Variants in AFAP1 observed in about 807,000 individuals in gnomAD.
AFAP1 encodes actin filament associated protein 1.
A neutral mutation model predicts 93.9 loss-of-function variants in AFAP1; 75 were observed. That is an observed-to-expected ratio of 0.80 (90% CI 0.66 to 0.97). The LOEUF is 0.97. AFAP1 is among the 50% of genes least tolerant of loss of function. The probability of loss-of-function intolerance (pLI) is 0.00; values close to 1 mark genes in which losing one functional copy is unlikely to be tolerated. For synonymous variants in AFAP1, 517 were observed against 430.7 expected (o/e 1.20, Z -2.48); for missense variants, 1,201 against 1,050.8 (o/e 1.14, Z -1.98).
chr4:7,871,680 G>GT (rs2149183283), intron 2 of AFAP1, among the ~76,000 whole-genome samples: 1 of 152,264 alleles, frequency 6.6e-6, no homozygotes, highest in African/African-American at 2.4e-5. Context: ...GCCAAGTCCC[G>GT]TGAGTCCTTC....
intron 1 of AFAP1, among the ~76,000 whole-genome samples, chr4:7,933,274 C>G (rs760766285): frequency 4.6e-5 from 7 of 151,874 alleles, no homozygotes; most frequent in Non-Finnish European, 8.8e-5. Flanking sequence ...ATCCCATGAG[C>G]CTTTAAGAGC....
At chr4:7,867,185 A>G (rs1281456853) in intron 3 of AFAP1, among the ~76,000 whole-genome samples, 1 of 151,620 alleles carries the variant, frequency 6.6e-6, no homozygotes, top group Non-Finnish European at 1.5e-5. Flanking sequence ...GCCCCCATCC[A>G]CACCTAGTGA....
chr4:7,864,630 C>T (rs989234141), intron 3 of AFAP1, among the ~76,000 whole-genome samples: 2 of 152,184 alleles, frequency 1.3e-5, no homozygotes, highest in African/African-American at 4.8e-5. Context: ...CAACAGGCTC[C>T]TCCCTGGGGT....
At position 7,934,161 on chromosome 4, in the gene AFAP1, G is replaced by A. The variant is rs528972155; in HGVS notation, c.-3+5495C>T. On this transcript the variant is annotated intron_variant, in intron 1 of 17. Transcript: ENST00000420658. ...TGGCCCAGAACACCTACAAATTTTA[G>A]GTTTCAGGTAAGTGATTGCCTTTCC... 7.9e-5 allele frequency among the ~76,000 whole-genome samples: 12 copies of A among 152,270 alleles called. No homozygotes were observed. In the South Asian group the frequency reaches 2.5e-3, roughly 32 times the overall value.
intron 4 of AFAP1, among the ~76,000 whole-genome samples, chr4:7,846,056 C>T (rs919409465): frequency 1.3e-5 from 2 of 152,180 alleles, no homozygotes; most frequent in South Asian, 2.1e-4. Flanking sequence ...GAAGGAGAAA[C>T]GCGATGAGCG....
In AFAP1 at chr4:7,800,553, G is replaced by A; in HGVS notation, c.1155C>T (p.Thr385=). 1 of 1,614,080 alleles carries A rather than the reference G, an allele frequency of 6.2e-7. No homozygotes were observed. The highest frequency in any genetic ancestry group is 1.1e-5 in the South Asian group (1 of 91,072). ...CACGGAGCGGAATAGACACAATATGGGTCTTCAGGTCGGTCCTGTCCTTGT... is the reference window on the plus strand; with the variant it reads ...CACGGAGCGGAATAGACACAATATGAGTCTTCAGGTCGGTCCTGTCCTTGT... ...IFHKDRTDLK[T]HIVSIPLRGC... The change falls in exon 10 of 18, where the codon ACC becomes ACT. Residue 385 remains threonine, a synonymous_variant. Coordinates refer to ENST00000420658, the MANE Select transcript of AFAP1 (RefSeq NM_001134647.2).
intron 1 of AFAP1, among the ~76,000 whole-genome samples, chr4:7,897,509 G>GT (rs1014958235): frequency 1.9e-4 from 28 of 146,220 alleles, no homozygotes; most frequent in Middle Eastern, 3.5e-3. Context: ...CCCAGCGCTT[G>GT]TTTTTTTTGT....
intron 11 of AFAP1, among the ~76,000 whole-genome samples, chr4:7,793,180 A>G (rs1480919103): frequency 1.3e-5 from 2 of 151,770 alleles, no homozygotes; most frequent in African/African-American, 4.8e-5. Context: ...TTTTAAAAAA[A>G]TCACAATTTA....
intron 1 of AFAP1, among the ~76,000 whole-genome samples, chr4:7,910,657 C>T (rs923041182): frequency 3.3e-5 from 5 of 152,238 alleles, no homozygotes; most frequent in African/African-American, 9.6e-5. Context: ...CCCGTTCACC[C>T]GTGCCACGAG....
At chr4:7,872,967 G>A (rs1577324133) in intron 1 of AFAP1, among the ~76,000 whole-genome samples, 2 of 137,742 alleles carry the variant, frequency 1.5e-5, no homozygotes, top group East Asian at 2.1e-4. Context: ...AAAACTACTT[G>A]GGCTGGGCGC....
rs751884345 is a variant in AFAP1 at position 7,843,358 on chromosome 4, A to C, written c.335-8T>G. 2 of 1,606,954 alleles carry C rather than the reference A, an allele frequency of 1.2e-6. No individual in the cohort carries two copies. Among genetic ancestry groups the C allele is most frequent in the Non-Finnish European group, 1.7e-6 (2 of 1,176,022 alleles). On this transcript the variant is annotated splice_polypyrimidine_tract_variant and splice_region_variant and intron_variant, in intron 4 of 17. Coordinates refer to ENST00000420658, the MANE Select transcript of AFAP1 (RefSeq NM_001134647.2). ...TCGCATCGGAATCATAATCTGTAAAAAATAAACATACACTGGTAAAAAGGA... is the reference window on the plus strand; with the variant it reads ...TCGCATCGGAATCATAATCTGTAAACAATAAACATACACTGGTAAAAAGGA...
intron 8 of AFAP1, among the ~76,000 whole-genome samples, chr4:7,811,680 G>T (rs1426210148): frequency 6.6e-6 from 1 of 152,152 alleles, no homozygotes; most frequent in East Asian, 1.9e-4. Context: ...ACAGAAGAAA[G>T]GCCGTGTGAA....
chr4:7,793,634 GACAGTT>G, intron 11 of AFAP1, 41 bp downstream of exon 11: 1 of 1,434,660 alleles, frequency 7.0e-7, no homozygotes, highest in Non-Finnish European at 9.3e-7. Flanking sequence ...TTAGGGAAAA[GACAGTT>G]ACTGAACTGT....
chr4:7,829,445 T>G lies in AFAP1; in HGVS notation c.726+9079A>C, dbSNP rs114283770. 9.0e-3 allele frequency among the ~76,000 whole-genome samples: 1,375 copies of G among 152,280 alleles called. 16 individuals carry two copies. Among genetic ancestry groups the G allele is most frequent in the African/African-American group, 0.023 (954 of 41,550 alleles). On this transcript the variant is annotated intron_variant, in intron 6 of 17. Transcript: ENST00000420658. ...CCTGAGGCCTCCTCTTAAAAGGAAA[T>G]GGGGGTGCTGAGCAAGGGTAGTTAT...
At chr4:7,825,796 A>G (rs1300800416) in intron 6 of AFAP1, among the ~76,000 whole-genome samples, 1 of 152,150 alleles carries the variant, frequency 6.6e-6, no homozygotes, top group Non-Finnish European at 1.5e-5. Flanking sequence ...TAGCCCAGAA[A>G]GATATTTTTT....
At chr4:7,862,366 G>C (rs920985654) in intron 3 of AFAP1, 4 of 131,118 alleles carry the variant, frequency 3.1e-5, no homozygotes, top group Admixed American at 8.4e-5. Flanking sequence ...CGATTTCCTA[G>C]AGACAGTGGA....
intron 6 of AFAP1, among the ~76,000 whole-genome samples, chr4:7,828,994 C>G (rs1175897560): frequency 1.3e-5 from 2 of 152,206 alleles, no homozygotes; most frequent in East Asian, 3.9e-4. Context: ...TCATGCTGTT[C>G]TCGTGATAGT....
intron 4 of AFAP1, among the ~76,000 whole-genome samples, chr4:7,849,513 G>A (rs112117966): frequency 2.0e-3 from 309 of 152,312 alleles, no homozygotes; most frequent in Non-Finnish European, 2.6e-3. Flanking sequence ...TCTCACACTC[G>A]GGTGAGGGGG....
rs2269849 is a variant in AFAP1 at position 7,762,421 on chromosome 4, G to A, written c.*1344C>T. The stretch of plus-strand genomic sequence containing the variant: ...TCTCCATGAATCTGCCTGCGGAGGC[G>A]TTCAGGGGTGACTTATTTCGTCATA... On this transcript the variant is annotated 3_prime_UTR_variant, in exon 18 of 18. Coordinates refer to ENST00000420658, the MANE Select transcript of AFAP1 (RefSeq NM_001134647.2). 0.1 allele frequency: 15,638 copies of A among 152,220 alleles called. 1,320 individuals are homozygous for A. The highest frequency in any genetic ancestry group is 0.48 in the East Asian group (2,504 of 5,164). The allele number at this position is 152,220 out of a possible 1,614,324, so 9.4% of individuals were successfully genotyped here.
Sources: allele counts gnomAD v4.1 joint callset (sites outside exome capture counted in the v4.1 genomes callset), GRCh38; gene constraint gnomAD v4.1.1; transcripts MANE v1.5; gene names NCBI Gene and HGNC (gene_info 2026-07-23, HGNC 2026-07-21).